RAD51B: variants seen among roughly 807,000 people sequenced by gnomAD.
RAD51B encodes DNA repair protein RAD51 homolog 2.
Under a neutral mutation model 42.2 loss-of-function variants are expected in RAD51B, and 38 were observed. The ratio of observed to expected loss-of-function variants is 0.90; its 90% CI spans 0.70 to 1.18. RAD51B has a LOEUF of 1.18. Ranked by LOEUF, RAD51B falls within the 50% of genes most tolerant of loss-of-function variation. The pLI is 0.00. For missense variants in RAD51B, 373 were observed against 400.7 expected, an observed-to-expected ratio of 0.93 and a Z score of 0.59; for synonymous variants, 154 against 145.2, an observed-to-expected ratio of 1.06 and a Z score of -0.43.
intron 10 of RAD51B, among the ~76,000 whole-genome samples, chr14:68,510,672 GGC>G (rs2140312786): frequency 6.6e-6 from 1 of 152,322 alleles, no homozygotes; most frequent in South Asian, 2.1e-4. Context: ...AGCCACTTAA[GGC>G]TTCTGAGAGC....
At chr14:67,980,756 T>C (rs780080285) in intron 7 of RAD51B, among the ~76,000 whole-genome samples, 3 of 152,142 alleles carry the variant, frequency 2.0e-5, no homozygotes, top group Non-Finnish European at 4.4e-5. Flanking sequence ...TAGACTAAAA[T>C]GTAAAAACTA....
In RAD51B at chr14:68,533,620, T is replaced by C. The variant is rs185729236; in HGVS notation, c.1037-60865T>C. Among the ~76,000 whole-genome samples the C allele has an allele frequency of 2.4e-4, 36 of 152,264 alleles. No homozygotes were observed. The East Asian group carries it at 6.4e-3, about 27-fold the overall frequency. ...TGTCTGATTATTTCTGTTTTCTCAGTAAGACATAAACTGAGATCATCAGTT... is the reference window on the plus strand; with the variant it reads ...TGTCTGATTATTTCTGTTTTCTCAGCAAGACATAAACTGAGATCATCAGTT... On this transcript the variant is annotated intron_variant, in intron 10 of 10. Coordinates refer to the RAD51B transcript ENST00000487270.
At position 67,864,147 on chromosome 14, in the gene RAD51B, A is replaced by G. The variant is rs549296129; in HGVS notation, c.316-856A>G. On this transcript the variant is annotated intron_variant, in intron 4 of 10. Coordinates refer to ENST00000471583, the MANE Select transcript of RAD51B (RefSeq NM_133510.4). The stretch of plus-strand genomic sequence containing the variant: ...CAGCAAGAGGGAAACTGCCACCATG[A>G]TCTAATCACCTCCCACCAGGCCCCC... 6.6e-5 allele frequency among the ~76,000 whole-genome samples: 10 copies of G among 152,280 alleles called. No individual in the cohort carries two copies. The South Asian group carries it at 2.1e-3, about 32-fold the overall frequency.
At chr14:68,306,611 G>A (rs2081869963) in intron 8 of RAD51B, 1 of 515,122 alleles carries the variant, frequency 1.9e-6, no homozygotes, top group African/African-American at 1.9e-5. Flanking sequence ...AGTGAGCATG[G>A]AAGAAATATA....
chr14:68,113,717 T>A (rs1489753325), intron 7 of RAD51B: 2 of 152,088 alleles, frequency 1.3e-5, no homozygotes, highest in African/African-American at 4.8e-5. Context: ...GAGAACTGAT[T>A]ATCTGGATAC....
intron 7 of RAD51B, among the ~76,000 whole-genome samples, chr14:68,171,460 C>G (rs1041535692): frequency 6.6e-6 from 1 of 151,808 alleles, no homozygotes; most frequent in African/African-American, 2.4e-5. Flanking sequence ...CCACCACACC[C>G]AGCTAATTTT....
At chr14:68,132,166 G>A (rs1805092451) in intron 7 of RAD51B, among the ~76,000 whole-genome samples, 1 of 152,178 alleles carries the variant, frequency 6.6e-6, no homozygotes, top group African/African-American at 2.4e-5. Flanking sequence ...TCTGGCTTGG[G>A]TCATATGTTC....
At chr14:68,560,088 T>C (rs1889065671) in intron 10 of RAD51B, among the ~76,000 whole-genome samples, 1 of 152,132 alleles carries the variant, frequency 6.6e-6, no homozygotes, top group Non-Finnish European at 1.5e-5. Context: ...TTTTCCCAAC[T>C]AATAATCAGA....
At chr14:67,889,385 C>G (rs1002503031) in intron 7 of RAD51B, among the ~76,000 whole-genome samples, 1 of 149,598 alleles carries the variant, frequency 6.7e-6, no homozygotes, top group African/African-American at 2.5e-5. Flanking sequence ...TGAACAGGCA[C>G]CATAGTACTG....
At position 68,565,582 on chromosome 14, in the gene RAD51B, C is replaced by G. The variant is rs1889381111; in HGVS notation, c.1037-28903C>G. ...CCAGTTTTGCAATAATTCTCAAGAG[C>G]TGGGAAGAAGTATAGCCAGATTTCA... On this transcript the variant is annotated intron_variant, in intron 10 of 10. Transcript: ENST00000487270. This position sits in a 1 kb window ranked among gnomAD's most constrained non-coding sequence, Gnocchi z 4.1. 6.6e-6 allele frequency among the ~76,000 whole-genome samples: 1 copy of G among 152,166 alleles called. No individual in the cohort carries two copies.
chr14:68,311,396 A>G (rs2081964801), intron 8 of RAD51B, among the ~76,000 whole-genome samples: 1 of 152,222 alleles, frequency 6.6e-6, no homozygotes, highest in East Asian at 1.9e-4. Flanking sequence ...GTGACCTAGG[A>G]CATCCTGAAT....
intron 7 of RAD51B, among the ~76,000 whole-genome samples, chr14:67,977,556 TGGG>T (rs2075018616): frequency 6.6e-6 from 1 of 152,244 alleles, no homozygotes; most frequent in Non-Finnish European, 1.5e-5. Context: ...GCTTCAGCTA[TGGG>T]CCTGGCCAAG....
chr14:68,597,797 A>C (rs1170620917), downstream of RAD51B, among the ~76,000 whole-genome samples: 2 of 44,654 alleles, frequency 4.5e-5, no homozygotes, highest in African/African-American at 1.7e-4. Flanking sequence ...AACCTAAAAT[A>C]CAAGTTAAAA....
At position 68,126,882 on chromosome 14, in the gene RAD51B, A is replaced by C. The variant is rs2077771694; in HGVS notation, c.757-165002A>C. On this transcript the variant is annotated intron_variant, in intron 7 of 10. Coordinates refer to ENST00000471583, the MANE Select transcript of RAD51B (RefSeq NM_133510.4). The stretch of plus-strand genomic sequence containing the variant: ...TACGGAGAATATATTTGCTTATTGC[A>C]GTTTCTCAATAAAGACTTTAAAGTA... 5.3e-5 allele frequency among the ~76,000 whole-genome samples: 8 copies of C among 152,226 alleles called. No homozygotes were observed. In the South Asian group the frequency reaches 1.7e-3, roughly 32 times the overall value.
At chr14:68,572,219 G>A (rs1442493769) in intron 10 of RAD51B, among the ~76,000 whole-genome samples, 1 of 152,176 alleles carries the variant, frequency 6.6e-6, no homozygotes, top group South Asian at 2.1e-4. Flanking sequence ...ATACTAGTGG[G>A]TTCCGCTAAG....
At chr14:68,137,484 A>G (rs551404618) in intron 7 of RAD51B, among the ~76,000 whole-genome samples, 2 of 152,306 alleles carry the variant, frequency 1.3e-5, no homozygotes, top group East Asian at 1.9e-4. Flanking sequence ...CCTCTTTCCA[A>G]TTCTATTAAT....
At chr14:68,355,060 C>G (rs1434812950) in intron 8 of RAD51B, among the ~76,000 whole-genome samples, 1 of 152,168 alleles carries the variant, frequency 6.6e-6, no homozygotes, top group East Asian at 1.9e-4. Flanking sequence ...CCGTGATGCA[C>G]AGTAAAAAGA....
At chr14:68,083,858 T>C (rs1336140950) in intron 7 of RAD51B, among the ~76,000 whole-genome samples, 1 of 152,294 alleles carries the variant, frequency 6.6e-6, no homozygotes, top group East Asian at 1.9e-4. Context: ...ACTTACTCCA[T>C]AACTACATTA....
chr14:67,857,280 T>A (rs773826746), intron 4 of RAD51B, among the ~76,000 whole-genome samples: 14 of 152,300 alleles, frequency 9.2e-5, no homozygotes, highest in Non-Finnish European at 1.9e-4. Context: ...AATTAGAAAT[T>A]GTTTATTATG....
Sources: gnomAD v4.1 joint callset for allele counts (sites outside exome capture counted in the v4.1 genomes callset) on GRCh38, gnomAD v4.1.1 for gene constraint, Gnocchi (gnomAD v3.1) non-coding constraint, MANE v1.5 for transcripts, NCBI Gene and HGNC (gene_info 2026-07-23, HGNC 2026-07-21) for gene names.